Variants in FAM135B observed in about 807,000 individuals in gnomAD.
The protein encoded by FAM135B is family with sequence similarity 135 member B.
In FAM135B, 43 loss-of-function variants were observed where a neutral mutation model predicts 127.7. The observed-to-expected ratio is 0.34, with a 90% CI of 0.26 to 0.43. The LOEUF is 0.43. Among genes scored for constraint, FAM135B ranks in the 20% least tolerant of loss-of-function variants. The pLI is 1.00. For synonymous variants in FAM135B, 670 were observed against 665.1 expected, an observed-to-expected ratio of 1.01 and a Z score of -0.11; for missense variants, 1,558 against 1,725.6, an observed-to-expected ratio of 0.90 and a Z score of 1.72.
At chr8:138,245,497 C>T (rs1394489438) in intron 6 of FAM135B, among the ~76,000 whole-genome samples, 1 of 152,156 alleles carries the variant, frequency 6.6e-6, no homozygotes, top group Non-Finnish European at 1.5e-5. Flanking sequence ...CCCATTTGCT[C>T]AGCACTTCTC....
chr8:138,227,052 A>G (rs1027710390), intron 7 of FAM135B, among the ~76,000 whole-genome samples: 1 of 152,120 alleles, frequency 6.6e-6, no homozygotes, highest in African/African-American at 2.4e-5. Flanking sequence ...CTCCATGACA[A>G]ACTGTCCTGC....
intron 7 of FAM135B, among the ~76,000 whole-genome samples, chr8:138,217,560 A>G (rs1193053377): frequency 6.7e-6 from 1 of 150,084 alleles, no homozygotes; most frequent in Non-Finnish European, 1.5e-5. Context: ...CCTCCCGAGT[A>G]GCTGGGACTA....
chr8:138,156,459 A>G (rs550602559), intron 12 of FAM135B, among the ~76,000 whole-genome samples: 22 of 152,272 alleles, frequency 1.4e-4, no homozygotes, highest in African/African-American at 5.3e-4. Context: ...GCAGAACTGA[A>G]GGAGATAGAG....
chr8:138,260,085 C>T (rs1365735348), intron 4 of FAM135B, among the ~76,000 whole-genome samples: 1 of 152,132 alleles, frequency 6.6e-6, no homozygotes, highest in African/African-American at 2.4e-5. Flanking sequence ...TTAAGACTAA[C>T]CTTTGTCCTA....
chr8:138,194,928 C>A (rs1388009659), intron 9 of FAM135B, among the ~76,000 whole-genome samples: 2 of 152,232 alleles, frequency 1.3e-5, no homozygotes, highest in Admixed American at 1.3e-4. Flanking sequence ...AAGATTCTGT[C>A]ATCCACAGTG....
intron 2 of FAM135B, among the ~76,000 whole-genome samples, chr8:138,365,919 A>G (rs1006538959): frequency 7.2e-5 from 11 of 152,096 alleles, no homozygotes; most frequent in Admixed American, 5.2e-4. Flanking sequence ...CTCCACATCA[A>G]TCTGGATTCT....
At chr8:138,337,695 A>G (rs1210330377) in intron 2 of FAM135B, among the ~76,000 whole-genome samples, 1 of 152,128 alleles carries the variant, frequency 6.6e-6, no homozygotes, top group Non-Finnish European at 1.5e-5. Context: ...AAGGTAATTT[A>G]TAGATTCAAT....
chr8:138,142,301 T>C (rs1817252790), intron 16 of FAM135B, among the ~76,000 whole-genome samples: 1 of 102,374 alleles, frequency 9.8e-6, no homozygotes, highest in African/African-American at 4.0e-5. Context: ...TTTTTTTTTT[T>C]TTTTTTTTTT....
intron 7 of FAM135B, among the ~76,000 whole-genome samples, chr8:138,197,919 T>C (rs758526507): frequency 6.2e-4 from 95 of 152,344 alleles, no homozygotes; most frequent in Non-Finnish European, 1.1e-3. Context: ...CTTTGTCTTA[T>C]ATTCAAATTA....
intron 1 of FAM135B, among the ~76,000 whole-genome samples, chr8:138,491,375 T>C (rs1815192904): frequency 6.6e-6 from 1 of 152,140 alleles, no homozygotes; most frequent in Non-Finnish European, 1.5e-5. Flanking sequence ...AAATCTATAG[T>C]TTTCCGTGTC....
chr8:138,250,690 A>C lies in FAM135B; in HGVS notation c.542+151T>G, dbSNP rs1486759664. ...TGGGACCTCCTCCTTCCTCTCTCGC[A>C]TGCTCCTCAGTGAGGCCCAAAGCTT... On this transcript the variant is annotated intron_variant, in intron 6 of 19. Coordinates refer to ENST00000395297, the MANE Select transcript of FAM135B (RefSeq NM_015912.4). The C allele has an allele frequency of 3.7e-6, 3 of 809,514 alleles. No individual in the cohort carries two copies. The African/African-American group carries it at 5.2e-5, about 14-fold the overall frequency. The allele number at this position is 809,514 out of a possible 1,614,324, so 50.1% of individuals were successfully genotyped here.
intron 3 of FAM135B, among the ~76,000 whole-genome samples, chr8:138,284,925 C>T (rs1376967581): frequency 6.6e-6 from 1 of 151,728 alleles, no homozygotes; most frequent in Non-Finnish European, 1.5e-5. Flanking sequence ...CACCCAGTTG[C>T]TCAACAGATA....
At chr8:138,217,545 C>T (rs1157301718) in intron 7 of FAM135B, among the ~76,000 whole-genome samples, 1 of 151,652 alleles carries the variant, frequency 6.6e-6, no homozygotes, top group African/African-American at 2.4e-5. Context: ...ATTCTCCTGC[C>T]TCAGCCTCCC....
At chr8:138,235,245 A>G (rs10097901) in intron 7 of FAM135B, among the ~76,000 whole-genome samples, 28,186 of 152,020 alleles carry the variant, frequency 0.19, 2,859 homozygotes, top group Non-Finnish European at 0.23. Context: ...GAAACTAATG[A>G]GCACCAAGGG....
At chr8:138,403,004 C>T (rs1833236853) in intron 1 of FAM135B, among the ~76,000 whole-genome samples, 1 of 152,184 alleles carries the variant, frequency 6.6e-6, no homozygotes, top group African/African-American at 2.4e-5. Flanking sequence ...AGACGGCCAT[C>T]TGCAAACTGA....
At chr8:138,178,795 T>A in intron 9 of FAM135B, 105 bp from the exon 10 acceptor site, 1 of 855,120 alleles carries the variant, frequency 1.2e-6, no homozygotes, top group Non-Finnish European at 1.8e-6. Flanking sequence ...AATAAAGCAC[T>A]CTCCTTTCTC....
Position 138,441,210 on chromosome 8 carries a change from C to A in FAM135B, c.-20+55461G>T, listed in dbSNP as rs973407832. 4 of 152,312 alleles carry A rather than the reference C, an allele frequency of 2.6e-5. 1 individual carries two copies. The South Asian group carries it at 8.3e-4, about 32-fold the overall frequency. The allele number at this position is 152,312 out of a possible 1,614,324, so 9.4% of individuals were successfully genotyped here. On this transcript the variant is annotated intron_variant, in intron 1 of 19. Transcript: ENST00000395297. ...AACAGAGGAAAATAACAAGATCTAGCCTTCAGACTGTCTATCAACTCAGCT... is the reference window on the plus strand; with the variant it reads ...AACAGAGGAAAATAACAAGATCTAGACTTCAGACTGTCTATCAACTCAGCT...
intron 12 of FAM135B, among the ~76,000 whole-genome samples, chr8:138,163,733 G>A (rs1322143838): frequency 2.0e-5 from 3 of 152,160 alleles, no homozygotes; most frequent in South Asian, 4.1e-4. Context: ...TCTTGGGTAT[G>A]TCTTTATCAA....
chr8:138,336,585 A>T (rs200666320), intron 2 of FAM135B, among the ~76,000 whole-genome samples: 1 of 152,148 alleles, frequency 6.6e-6, no homozygotes, highest in Non-Finnish European at 1.5e-5. Flanking sequence ...AATAGACCAA[A>T]AACAGGCTCT....
Sources: allele counts gnomAD v4.1 joint callset (sites outside exome capture counted in the v4.1 genomes callset), GRCh38; gene constraint gnomAD v4.1.1; transcripts MANE v1.5; gene names NCBI Gene and HGNC (gene_info 2026-07-23, HGNC 2026-07-21).